Variants in NRIP1 observed in about 807,000 individuals in gnomAD.
NRIP1 encodes the protein nuclear receptor interacting protein 1.
A neutral mutation model predicts 75.0 loss-of-function variants in NRIP1; 28 were observed. The ratio of observed to expected loss-of-function variants is 0.37; its 90% CI spans 0.28 to 0.51. The LOEUF (loss-of-function observed/expected upper bound fraction) is 0.51, where lower values mean the gene tolerates loss of function less well. Among genes scored for constraint, NRIP1 ranks in the 20% least tolerant of loss-of-function variants. NRIP1 has a pLI of 0.92. For synonymous variants in NRIP1, 526 were observed against 487.6 expected, an observed-to-expected ratio of 1.08 and a Z score of -1.04; for missense variants, 1,435 against 1,343.7, an observed-to-expected ratio of 1.07 and a Z score of -1.06.
intron 3 of NRIP1, among the ~76,000 whole-genome samples, chr21:15,010,386 GAAAA>G (rs879475536): frequency 3.6e-5 from 5 of 137,116 alleles, no homozygotes; most frequent in Admixed American, 7.2e-5. Context: ...CATGGAAAAG[GAAAA>G]AAAAAAAAAC....
chr21:14,962,517 T>C lies in NRIP1; in HGVS notation c.*2199A>G, dbSNP rs1411764004. The C allele has an allele frequency of 6.6e-6, 1 of 152,362 alleles. No individual in the cohort carries two copies. The highest frequency in any genetic ancestry group is 6.6e-5 in the Admixed American group (1 of 15,226). 9.4% of individuals were successfully genotyped at this position (152,362 alleles called of 1,614,324 possible). A position where few individuals can be genotyped will look rare whatever the true frequency, so the allele number is the denominator to read the frequency against. Reference sequence around the variant, plus strand: ...CTCTTGTAAAAAGGTCATTTCCCCCTACCCAAGGGAGAATACCAACATATT... The same window carrying C: ...CTCTTGTAAAAAGGTCATTTCCCCCCACCCAAGGGAGAATACCAACATATT... On this transcript the variant is annotated 3_prime_UTR_variant, in exon 4 of 4. Transcript: ENST00000318948.
intron 2 of NRIP1, among the ~76,000 whole-genome samples, chr21:15,025,302 G>C (rs143796577): frequency 6.6e-6 from 1 of 152,022 alleles, no homozygotes; most frequent in Non-Finnish European, 1.5e-5. Flanking sequence ...GGTACAAAAA[G>C]GGAAGGAAAT....
At chr21:15,033,501 A>G (rs981577111) in intron 2 of NRIP1, among the ~76,000 whole-genome samples, 9 of 152,116 alleles carry the variant, frequency 5.9e-5, no homozygotes, top group Non-Finnish European at 1.0e-4. Flanking sequence ...ACCCATAAAC[A>G]CTACTTTGGC....
chr21:15,065,524 C>T (rs1259630104), upstream of NRIP1, among the ~76,000 whole-genome samples: 2 of 152,180 alleles, frequency 1.3e-5, no homozygotes, highest in Non-Finnish European at 2.9e-5. Flanking sequence ...TACCTCCTCC[C>T]CTTCACCCCA....
At chr21:14,998,795 T>C (rs1457412636) in intron 3 of NRIP1, among the ~76,000 whole-genome samples, 1 of 152,228 alleles carries the variant, frequency 6.6e-6, no homozygotes, top group East Asian at 1.9e-4. Flanking sequence ...GAATACAGTA[T>C]ATAATACCTA....
At position 14,964,453 on chromosome 21, in the gene NRIP1, A is replaced by T; in HGVS notation, c.*263T>A. On this transcript the variant is annotated 3_prime_UTR_variant, in exon 4 of 4. Transcript: ENST00000318948. ...TGCCTAATATTTATAAAAGAATTTC[A>T]TTCATAGGCTACTCACAGTTGTTAT... 1 of 303,780 alleles carries T rather than the reference A, an allele frequency of 3.3e-6. No individual in the cohort carries two copies. Among genetic ancestry groups the T allele is most frequent in the Non-Finnish European group, 6.0e-6 (1 of 166,352 alleles). The allele number at this position is 303,780 out of a possible 1,614,324, so 18.8% of individuals were successfully genotyped here.
intron 2 of NRIP1, among the ~76,000 whole-genome samples, chr21:15,032,067 T>C (rs917214110): frequency 2.0e-5 from 3 of 152,236 alleles, no homozygotes; most frequent in Non-Finnish European, 2.9e-5. Flanking sequence ...TCATCTGAGA[T>C]GCTCCCACTC....
chr21:14,974,280 AC>A, intron 3 of NRIP1: 1 of 152,164 alleles, frequency 6.6e-6, no homozygotes, highest in Non-Finnish European at 1.5e-5. Context: ...TCATGGATGA[AC>A]CTGGAAATAT....
chr21:14,975,849 AATACTTAAAG>A (rs1303152797), intron 3 of NRIP1, among the ~76,000 whole-genome samples: 1 of 152,122 alleles, frequency 6.6e-6, no homozygotes, highest in African/African-American at 2.4e-5. Context: ...AAAATGCCAA[AATACTTAAAG>A]ATACAGAAAA....
rs745389893 is a variant in NRIP1, at chr21:14,965,588, G to A, written c.2605C>T (p.Pro869Ser). ...ATGTTGTTTTTCATCTTTTTAAATG[G>A]ATTTTCTAATGGCTCAGTATAAAGC... ...RKLYTEPLEN[P>S]FKKMKNNIVD... is the part of the protein sequence containing the mutation. Residue 869 changes from proline (P) to serine (S), a missense_variant, in exon 4 of 4, where the codon CCA becomes TCA. Transcript: ENST00000318948. 1 of 1,613,952 alleles carries A rather than the reference G, an allele frequency of 6.2e-7. No individual in the cohort carries two copies.
chr21:15,044,234 T>C (rs1484955377), intron 1 of NRIP1, among the ~76,000 whole-genome samples: 3 of 151,554 alleles, frequency 2.0e-5, no homozygotes, highest in African/African-American at 7.3e-5. Context: ...GAAAAAGTAT[T>C]AGAATTATTT....
Position 14,968,175 on chromosome 21 carries a change from C to A in NRIP1, c.18G>T (p.Glu6Asp). 6.2e-7 allele frequency: 1 copy of A among 1,610,888 alleles called. No homozygotes were observed. Among genetic ancestry groups the A allele is most frequent in the South Asian group, 1.1e-5 (1 of 90,548 alleles). MTHGE[E>D]LGSDVHQDSI... ...AATCCTGGTGCACATCAGAGCCAAG[C>A]TCTTCTCCATGAGTCATGTTCAATA... Residue 6 changes from glutamate to aspartate, a missense_variant, in exon 4 of 4, where the codon GAG becomes GAT. Coordinates refer to ENST00000318948, the MANE Select transcript of NRIP1 (RefSeq NM_003489.4).
At chr21:15,033,870 A>G (rs1009747193) in intron 2 of NRIP1, among the ~76,000 whole-genome samples, 2 of 152,208 alleles carry the variant, frequency 1.3e-5, no homozygotes, top group Non-Finnish European at 2.9e-5. Flanking sequence ...TGTGAGATCA[A>G]TTGCCTTGGT....
chr21:15,010,718 C>T (rs559516641), intron 3 of NRIP1, among the ~76,000 whole-genome samples: 17 of 152,262 alleles, frequency 1.1e-4, no homozygotes, highest in African/African-American at 3.9e-4. Flanking sequence ...TTAGGAAGAT[C>T]TGGTGGTTGT....
chr21:15,026,588 G>C (rs1270470347), intron 2 of NRIP1, among the ~76,000 whole-genome samples: 2 of 152,090 alleles, frequency 1.3e-5, no homozygotes, highest in Non-Finnish European at 2.9e-5. Context: ...CATCAGCAAT[G>C]CTTATAATAG....
At chr21:15,062,800 T>C (rs73338820) in intron 1 of NRIP1, among the ~76,000 whole-genome samples, 1,722 of 152,352 alleles carry the variant, frequency 0.011, 31 homozygotes, top group African/African-American at 0.039. Context: ...TTTGCACTTA[T>C]AACTGCAAGA....
At chr21:15,058,602 T>C (rs1467037077) in intron 1 of NRIP1, among the ~76,000 whole-genome samples, 1 of 152,210 alleles carries the variant, frequency 6.6e-6, no homozygotes, top group Admixed American at 6.5e-5. Context: ...GAAGTCCTTT[T>C]TTCATTCTGA....
At chr21:14,982,098 C>T (rs964969574) in intron 3 of NRIP1, among the ~76,000 whole-genome samples, 19 of 152,110 alleles carry the variant, frequency 1.2e-4, no homozygotes, top group African/African-American at 4.6e-4. Flanking sequence ...GATCCTCCTG[C>T]CTTGGCCTCC....
chr21:15,030,221 A>G (rs894955145), intron 2 of NRIP1, among the ~76,000 whole-genome samples: 2 of 152,246 alleles, frequency 1.3e-5, no homozygotes, highest in Admixed American at 6.5e-5. Context: ...GACACTAATA[A>G]GATCATTATG....
Sources: gnomAD v4.1 joint callset for allele counts (sites outside exome capture counted in the v4.1 genomes callset) on GRCh38, gnomAD v4.1.1 for gene constraint, MANE v1.5 for transcripts, NCBI Gene and HGNC (gene_info 2026-07-23, HGNC 2026-07-21) for gene names.